The following NBEAL1 variants were observed in gnomAD, a reference collection of about 807,000 sequenced individuals.
NBEAL1 encodes the protein neurobeachin like 1, also known as neurobeachin-like protein 1.
A neutral mutation model predicts 351.3 loss-of-function variants in NBEAL1; 273 were observed. That is an observed-to-expected ratio of 0.78 (90% confidence interval 0.70 to 0.86). The LOEUF (loss-of-function observed/expected upper bound fraction) is 0.86. Among genes scored for constraint, NBEAL1 ranks in the 40% least tolerant of loss-of-function variants. The pLI, the probability that NBEAL1 is intolerant of heterozygous loss-of-function variation, is 0.00. For missense variants in NBEAL1, 2,961 were observed against 3,201.3 expected, an observed-to-expected ratio of 0.92 and a Z score of 1.81; for synonymous variants, 1,050 against 1,086.4, an observed-to-expected ratio of 0.97 and a Z score of 0.66.
intron 6 of NBEAL1, among the ~76,000 whole-genome samples, chr2:203,067,648 TG>T (rs1197370844): frequency 1.3e-5 from 2 of 152,230 alleles, no homozygotes; most frequent in African/African-American, 4.8e-5. Flanking sequence ...TTTCTATTTT[TG>T]TTGGCTTTAT....
rs1234879687 is a variant in NBEAL1 at position 203,217,641 on chromosome 2, A to G, written c.*287A>G. The G allele has an allele frequency of 4.1e-6, 4 of 986,716 alleles. No individual in the cohort carries two copies. Among genetic ancestry groups the G allele is most frequent in the African/African-American group, 3.4e-5 (2 of 58,110 alleles). The allele number at this position is 986,716 out of a possible 1,614,324, so 61.1% of individuals were successfully genotyped here. ...AGGTTCAATTTTCTTATTATTCCAA[A>G]TGATAAAATTTAAGATTTTTCTAAT... On this transcript the variant is annotated 3_prime_UTR_variant, in exon 56 of 56. Coordinates refer to ENST00000683969, the MANE Select transcript of NBEAL1 (RefSeq NM_001378026.1).
At chr2:203,071,260 C>T (rs1559345700) in intron 7 of NBEAL1, among the ~76,000 whole-genome samples, 1 of 152,050 alleles carries the variant, frequency 6.6e-6, no homozygotes, top group Non-Finnish European at 1.5e-5. Flanking sequence ...CTGGAAAGTC[C>T]AGCAGGGTTT....
intron 10 of NBEAL1, among the ~76,000 whole-genome samples, chr2:203,087,957 G>A (rs1335680329): frequency 6.6e-6 from 1 of 152,170 alleles, no homozygotes; most frequent in African/African-American, 2.4e-5. Flanking sequence ...GGGTAAGGGA[G>A]CAGAATAAAT....
intron 51 of NBEAL1, among the ~76,000 whole-genome samples, chr2:203,205,882 G>A (rs1245207832): frequency 6.6e-6 from 1 of 152,246 alleles, no homozygotes; most frequent in Non-Finnish European, 1.5e-5. Context: ...CACAGGGAAA[G>A]ACAAATTTGT....
chr2:203,207,056 C>T (rs2065605602), intron 51 of NBEAL1, among the ~76,000 whole-genome samples: 1 of 151,166 alleles, frequency 6.6e-6, no homozygotes, highest in African/African-American at 2.4e-5. Flanking sequence ...ATGTGGGGAG[C>T]GCCTCTGCCC....
chr2:203,058,035 G>A (rs2061434465), intron 6 of NBEAL1, among the ~76,000 whole-genome samples: 2 of 151,786 alleles, frequency 1.3e-5, no homozygotes, highest in Admixed American at 6.6e-5. Context: ...GTAGAGACGG[G>A]ATTTCACCAT....
intron 4 of NBEAL1, 48 bp from the exon 5 acceptor site, chr2:203,056,379 T>G (rs2061401905): frequency 1.0e-6 from 1 of 997,466 alleles, no homozygotes; most frequent in Non-Finnish European, 1.6e-6. Context: ...GAACATATGT[T>G]TTGTTCACCA....
At chr2:203,075,979 A>G (rs1039231878) in intron 7 of NBEAL1, among the ~76,000 whole-genome samples, 5 of 152,198 alleles carry the variant, frequency 3.3e-5, no homozygotes, top group Admixed American at 6.5e-5. Flanking sequence ...TTTTGGTAAC[A>G]TTTGTTATTG....
chr2:203,086,272 G>A (rs1280332991), intron 10 of NBEAL1: 1 of 151,948 alleles, frequency 6.6e-6, no homozygotes, highest in South Asian at 2.1e-4. Flanking sequence ...TATCACTGTG[G>A]CCACTCTTCA....
intron 6 of NBEAL1, among the ~76,000 whole-genome samples, chr2:203,058,551 A>G (rs1245741412): frequency 6.6e-6 from 1 of 152,216 alleles, no homozygotes; most frequent in African/African-American, 2.4e-5. Flanking sequence ...AGCATTGCAC[A>G]GCTGGTGCTG....
chr2:203,083,976 CTGTGTGTGTGTGTGTGTGTGTG>C (rs59252809), intron 9 of NBEAL1, among the ~76,000 whole-genome samples: 12 of 134,198 alleles, frequency 8.9e-5, no homozygotes, highest in Middle Eastern at 3.6e-3. Flanking sequence ...TCCTCAGAGC[CTGTGTGTGTGTGTGTGTGTGTG>C]TGTGTGTGTG....
At chr2:203,117,807 G>A (rs934972782) in intron 18 of NBEAL1, among the ~76,000 whole-genome samples, 2 of 151,688 alleles carry the variant, frequency 1.3e-5, no homozygotes, top group African/African-American at 4.8e-5. Flanking sequence ...TTCAGTCTCC[G>A]GAGTAGCTAG....
chr2:203,016,792 G>C lies in NBEAL1; in HGVS notation c.51+357G>C, dbSNP rs1428657655. Among the ~76,000 whole-genome samples, 8 of 152,276 alleles carry C rather than the reference G, an allele frequency of 5.3e-5. No homozygotes were observed. The South Asian group carries it at 1.5e-3, about 28-fold the overall frequency. ...GAGTGTAGGATAGAGACATTTTTAT[G>C]AGAAGGGCATTAAGCATTTTTCTTG... On this transcript the variant is annotated intron_variant, in intron 2 of 55. Coordinates refer to ENST00000683969, the MANE Select transcript of NBEAL1 (RefSeq NM_001378026.1).
chr2:203,183,363 T>G lies in NBEAL1; in HGVS notation c.6680T>G (p.Phe2227Cys). The G allele has an allele frequency of 3.1e-6, 5 of 1,590,380 alleles. No homozygotes were observed. The highest frequency in any genetic ancestry group is 4.3e-6 in the Non-Finnish European group (5 of 1,166,406). ...LPKWAKSAED[F>C]IYKHRKALES... ...AAATGGGCTAAATCAGCTGAAGATT[T>G]CATCTATAAACATAGGAAAGCTTTG... Residue 2227 changes from phenylalanine (F) to cysteine (C), a missense_variant, in exon 44 of 56, where the codon TTC becomes TGC. By Grantham distance (205) the Phe-to-Cys change is radical. Coordinates refer to ENST00000683969, the MANE Select transcript of NBEAL1 (RefSeq NM_001378026.1).
chr2:203,136,834 A>G lies in NBEAL1; in HGVS notation c.4565+60A>G. Reference sequence around the variant, plus strand: ...TTGGTGACAGCAGGAGTCTAAAATAACGTTAGTTATTGAACATTTATTCAG... The same window carrying G: ...TTGGTGACAGCAGGAGTCTAAAATAGCGTTAGTTATTGAACATTTATTCAG... On this transcript the variant is annotated intron_variant, in intron 29 of 55. Transcript: ENST00000683969. 4.2e-6 allele frequency: 6 copies of G among 1,413,376 alleles called. 1 individual carries two copies. In the South Asian group the frequency reaches 7.6e-5, roughly 18 times the overall value. The allele number at this position is 1,413,376 out of a possible 1,614,324, so 87.6% of individuals were successfully genotyped here.
intron 34 of NBEAL1, among the ~76,000 whole-genome samples, chr2:203,150,845 T>C (rs1024897968): frequency 2.6e-5 from 4 of 152,188 alleles, no homozygotes; most frequent in African/African-American, 9.6e-5. Flanking sequence ...AGAGTAAAGG[T>C]ATCAAGCTGT....
chr2:203,036,179 CATCTT>C (rs544232399), intron 2 of NBEAL1, among the ~76,000 whole-genome samples: 29 of 149,460 alleles, frequency 1.9e-4, no homozygotes, highest in African/African-American at 3.9e-4. Flanking sequence ...AAAGCAAACT[CATCTT>C]AACCATGAAA....
chr2:203,134,767 C>A (rs1292460976), intron 27 of NBEAL1, among the ~76,000 whole-genome samples: 4 of 152,156 alleles, frequency 2.6e-5, no homozygotes, highest in African/African-American at 9.7e-5. Context: ...TCTAGCTAAG[C>A]AGTGGCATCC....
At chr2:203,216,658 G>T (rs891458971) in intron 55 of NBEAL1, among the ~76,000 whole-genome samples, 52 of 152,056 alleles carry the variant, frequency 3.4e-4, no homozygotes, top group African/African-American at 9.9e-4. Context: ...ACATATTTTT[G>T]ATAATTTATA....
Sources: allele counts gnomAD v4.1 joint callset (sites outside exome capture counted in the v4.1 genomes callset), GRCh38; gene constraint gnomAD v4.1.1; transcripts MANE v1.5; gene names NCBI Gene and HGNC (gene_info 2026-07-23, HGNC 2026-07-21).